Variants in FHIT observed in about 807,000 individuals in gnomAD.
The protein encoded by FHIT is bis(5'-adenosyl)-triphosphatase.
In FHIT, 19 loss-of-function variants were observed where a neutral mutation model predicts 17.9. That is an observed-to-expected ratio of 1.06 (90% confidence interval 0.74 to 1.56). The LOEUF (loss-of-function observed/expected upper bound fraction) is 1.56, where lower values mean the gene tolerates loss of function less well. Ranked by LOEUF, FHIT falls within the 40% of genes most tolerant of loss-of-function variation. The pLI, the probability that FHIT is intolerant of heterozygous loss-of-function variation, is 0.00. For missense variants in FHIT, 248 were observed against 189.2 expected (o/e 1.31, Z -1.82); for synonymous variants, 81 against 69.7 (o/e 1.16, Z -0.81).
intron 5 of FHIT, among the ~76,000 whole-genome samples, chr3:60,205,007 G>A (rs1197408688): frequency 1.3e-5 from 2 of 151,356 alleles, no homozygotes; most frequent in African/African-American, 4.9e-5. Flanking sequence ...GAGGTGGGAA[G>A]ATAGCTTGAG....
At chr3:60,195,042 T>C (rs1014590031) in intron 5 of FHIT, among the ~76,000 whole-genome samples, 1 of 152,048 alleles carries the variant, frequency 6.6e-6, no homozygotes, top group Non-Finnish European at 1.5e-5. Context: ...GGCAGGGAGC[T>C]GTAATCCCAG....
chr3:59,797,592 G>A (rs1699828031), intron 8 of FHIT, among the ~76,000 whole-genome samples: 1 of 152,106 alleles, frequency 6.6e-6, no homozygotes, highest in Non-Finnish European at 1.5e-5. Context: ...ATGTAGTTCT[G>A]GGTTTCTCCT....
chr3:60,386,227 C>T (rs565306866), intron 5 of FHIT, among the ~76,000 whole-genome samples: 210 of 152,188 alleles, frequency 1.4e-3, no homozygotes, highest in Middle Eastern at 6.8e-3. Flanking sequence ...CTTGTCACCC[C>T]TCCTCCCACC....
At chr3:61,084,101 T>C (rs2035232892) in intron 2 of FHIT, among the ~76,000 whole-genome samples, 1 of 152,216 alleles carries the variant, frequency 6.6e-6, no homozygotes, top group South Asian at 2.1e-4. Flanking sequence ...TTATTTCTGT[T>C]TATGATGTGA....
At chr3:60,761,614 A>G (rs1402648740) in intron 4 of FHIT, among the ~76,000 whole-genome samples, 2 of 149,674 alleles carry the variant, frequency 1.3e-5, no homozygotes, top group Non-Finnish European at 3.0e-5. Context: ...ATTTTCTTCC[A>G]TGTCTTTTTT....
At chr3:59,865,556 G>A (rs1450644291) in intron 8 of FHIT, among the ~76,000 whole-genome samples, 1 of 152,204 alleles carries the variant, frequency 6.6e-6, no homozygotes, top group African/African-American at 2.4e-5. Context: ...GATATAACGA[G>A]GTGCCAAATG....
rs542788961 is a variant in FHIT, at chr3:61,056,749, G to C, written c.-163-14650C>G. Among the ~76,000 whole-genome samples, 4 of 152,248 alleles carry C rather than the reference G, an allele frequency of 2.6e-5. No homozygotes were observed. In the South Asian group the frequency reaches 8.3e-4, roughly 32 times the overall value. ...TTAGGGATCTGAATGTTCTTGATGA[G>C]ACTTTTTATTTTTGGTTTTATTTAG... On this transcript the variant is annotated intron_variant, in intron 2 of 9. Coordinates refer to ENST00000492590, the MANE Select transcript of FHIT (RefSeq NM_002012.4).
chr3:60,973,937 A>G (rs1277081325), intron 3 of FHIT, among the ~76,000 whole-genome samples: 2 of 152,216 alleles, frequency 1.3e-5, no homozygotes, highest in Non-Finnish European at 2.9e-5. Context: ...AGTATTAAAA[A>G]TAGCACCTGC....
intron 5 of FHIT, among the ~76,000 whole-genome samples, chr3:60,531,743 T>C (rs1018081901): frequency 7.9e-5 from 12 of 152,330 alleles, no homozygotes; most frequent in African/African-American, 2.9e-4. Flanking sequence ...TCTGTAAGAA[T>C]CACTGTTAAG....
At chr3:60,475,443 A>C (rs2033296655) in intron 5 of FHIT, among the ~76,000 whole-genome samples, 1 of 152,332 alleles carries the variant, frequency 6.6e-6, no homozygotes, top group African/African-American at 2.4e-5. Flanking sequence ...CTTTGAAACC[A>C]AAGCTCCATC....
chr3:60,274,248 C>T (rs1467757122), intron 5 of FHIT, among the ~76,000 whole-genome samples: 1 of 152,140 alleles, frequency 6.6e-6, no homozygotes. Context: ...CTTGGTTGAA[C>T]ATTTCTCTAC....
chr3:60,812,594 A>C (rs1425670138), intron 4 of FHIT, among the ~76,000 whole-genome samples: 2 of 152,226 alleles, frequency 1.3e-5, no homozygotes, highest in Non-Finnish European at 2.9e-5. Flanking sequence ...TATGTCTCAC[A>C]GCCATGACTC....
intron 8 of FHIT, among the ~76,000 whole-genome samples, chr3:59,839,432 G>T (rs1379374868): frequency 6.6e-6 from 1 of 152,068 alleles, no homozygotes. Context: ...GGTCTCCCCA[G>T]ATACATTGTA....
intron 4 of FHIT, among the ~76,000 whole-genome samples, chr3:60,575,389 T>G (rs2037531446): frequency 6.6e-6 from 1 of 152,186 alleles, no homozygotes; most frequent in Non-Finnish European, 1.5e-5. Flanking sequence ...TTTTTTCTTT[T>G]GTCTAAACAT....
chr3:59,752,023 A>G, intron 9 of FHIT, 198 bp downstream of exon 9: 2 of 466,324 alleles, frequency 4.3e-6, no homozygotes, highest in Non-Finnish European at 7.6e-6. Context: ...GTGAAGAGGC[A>G]GGAGAGTTGG....
chr3:60,537,031 C>T (rs1475349663), intron 4 of FHIT, 52 bp from the exon 5 acceptor site: 17 of 1,496,808 alleles, frequency 1.1e-5, no homozygotes, highest in African/African-American at 2.8e-5. Context: ...AAACTCAGTT[C>T]ATATACCACC....
intron 7 of FHIT, among the ~76,000 whole-genome samples, chr3:59,993,820 G>A (rs73089917): frequency 0.094 from 14,252 of 151,954 alleles, 856 homozygotes; most frequent in Admixed American, 0.13. Context: ...GCTTCCCTCT[G>A]AACCTCAGTT....
At position 60,443,183 on chromosome 3, in the gene FHIT, T is replaced by C. The variant is rs1300875163; in HGVS notation, c.103+93677A>G. ...TTAAGGAGATTTTGGGCTGAGACGA[T>C]GGGGTTTTCTAGATATACAATCATG... On this transcript the variant is annotated intron_variant, in intron 5 of 9. Coordinates refer to ENST00000492590, the MANE Select transcript of FHIT (RefSeq NM_002012.4). Among the ~76,000 whole-genome samples the C allele has an allele frequency of 5.4e-4, 82 of 152,200 alleles. 2 individuals are homozygous for C. Among genetic ancestry groups the C allele is most frequent in the Non-Finnish European group, 1.0e-4 (7 of 68,040 alleles).
intron 5 of FHIT, among the ~76,000 whole-genome samples, chr3:60,329,829 C>G (rs1709878388): frequency 6.6e-6 from 1 of 152,218 alleles, no homozygotes. Context: ...ACTAGACACA[C>G]ACTTTGTGGC....
Sources: gnomAD v4.1 joint callset for allele counts (sites outside exome capture counted in the v4.1 genomes callset) on GRCh38, gnomAD v4.1.1 for gene constraint, MANE v1.5 for transcripts, NCBI Gene and HGNC (gene_info 2026-07-23, HGNC 2026-07-21) for gene names.